CPED1: variants seen among roughly 807,000 people sequenced by gnomAD.
The protein encoded by CPED1 is cadherin like and PC-esterase domain containing 1, also known as cadherin-like and PC-esterase domain-containing protein 1.
In CPED1, 114 loss-of-function variants were observed where a neutral mutation model predicts 128.2. The ratio of observed to expected loss-of-function variants is 0.89; its 90% CI spans 0.76 to 1.04. The LOEUF (loss-of-function observed/expected upper bound fraction) is 1.04, where lower values mean the gene tolerates loss of function less well. CPED1 is among the 50% of genes least tolerant of loss of function. CPED1 has a pLI of 0.00. For missense variants in CPED1, 1,211 were observed against 1,207.1 expected, an observed-to-expected ratio of 1.00 and a Z score of -0.05; for synonymous variants, 462 against 426.7, an observed-to-expected ratio of 1.08 and a Z score of -1.02.
At position 121,272,100 on chromosome 7, in the gene CPED1, G is replaced by T. The variant is rs190830681; in HGVS notation, c.2868+670G>T. Among the ~76,000 whole-genome samples the T allele has an allele frequency of 2.7e-3, 404 of 152,200 alleles. 4 individuals carry two copies. The highest frequency in any genetic ancestry group is 9.4e-3 in the African/African-American group (391 of 41,554). ...AAAAGGTCTCCAATCACCTTCAGGTGTAGGAGTATCACATCAATACTAAAA... is the reference window on the plus strand; with the variant it reads ...AAAAGGTCTCCAATCACCTTCAGGTTTAGGAGTATCACATCAATACTAAAA... On this transcript the variant is annotated intron_variant, in intron 22 of 22. Coordinates refer to ENST00000310396, the MANE Select transcript of CPED1 (RefSeq NM_024913.5).
At chr7:121,077,012 T>C (rs1229630269) in intron 5 of CPED1, among the ~76,000 whole-genome samples, 3 of 152,046 alleles carry the variant, frequency 2.0e-5, no homozygotes, top group African/African-American at 4.8e-5. Context: ...CTGCCCTGTA[T>C]CCTCCTCTTT....
At chr7:121,000,411 T>C (rs1791816981) in intron 2 of CPED1, among the ~76,000 whole-genome samples, 1 of 152,292 alleles carries the variant, frequency 6.6e-6, no homozygotes, top group South Asian at 2.1e-4. Context: ...CGGCCATGTA[T>C]AAGGATCTTA....
intron 5 of CPED1, among the ~76,000 whole-genome samples, chr7:121,083,398 C>G (rs115201314): frequency 6.6e-6 from 1 of 152,112 alleles, no homozygotes; most frequent in African/African-American, 2.4e-5. Flanking sequence ...TGAAGCTGTC[C>G]TTCTGGTCTT....
chr7:121,026,528 T>C (rs757635362), intron 3 of CPED1, among the ~76,000 whole-genome samples: 15 of 152,176 alleles, frequency 9.9e-5, no homozygotes, highest in Non-Finnish European at 1.9e-4. Context: ...ATCCCTGCTA[T>C]AGCCATGGTT....
chr7:121,027,936 A>G (rs1019321800), intron 3 of CPED1, among the ~76,000 whole-genome samples: 2 of 152,030 alleles, frequency 1.3e-5, no homozygotes, highest in African/African-American at 4.8e-5. Context: ...ACAAGCGATT[A>G]AGGGATGAGG....
chr7:121,098,771 TATATATATAAAA>T (rs1226107558), intron 6 of CPED1, among the ~76,000 whole-genome samples: 1,247 of 121,294 alleles, frequency 0.01, 29 homozygotes, highest in Middle Eastern at 0.027. Context: ...TATATAAATA[TATATATATAAAA>T]ATATATAAAA....
Position 121,244,291 on chromosome 7 carries a change from G to T in CPED1, c.2263G>T (p.Gly755Cys). 1 of 1,614,092 alleles carries T rather than the reference G, an allele frequency of 6.2e-7. No homozygotes were observed. The highest frequency in any genetic ancestry group is 2.2e-5 in the East Asian group (1 of 44,872). The change falls in exon 18 of 23, where the codon GGT becomes TGT. Residue 755 changes from glycine to cysteine, a missense_variant. By Grantham distance (159) the Gly-to-Cys change is radical. Coordinates refer to ENST00000310396, the MANE Select transcript of CPED1 (RefSeq NM_024913.5). ...ITWQPHNCQY[G>C]VLTKPQLQQC... Reference sequence around the variant, plus strand: ...CTGGCAGCCCCACAACTGCCAATATGGTGTCCTAACTAAGCCTCAACTCCA... The same window carrying T: ...CTGGCAGCCCCACAACTGCCAATATTGTGTCCTAACTAAGCCTCAACTCCA...
At chr7:121,124,804 TA>T (rs1795466115) in intron 8 of CPED1, among the ~76,000 whole-genome samples, 1 of 152,204 alleles carries the variant, frequency 6.6e-6, no homozygotes, top group Admixed American at 6.6e-5. Flanking sequence ...TAATTTTACT[TA>T]TACATAATAA....
At chr7:121,198,157 CAG>C (rs1286654028) in intron 16 of CPED1, among the ~76,000 whole-genome samples, 1 of 152,008 alleles carries the variant, frequency 6.6e-6, no homozygotes, top group African/African-American at 2.4e-5. Context: ...GTGGTGTCAG[CAG>C]AGTTTATTGT....
chr7:121,266,760 A>G lies in CPED1; in HGVS notation c.2585A>G (p.Gln862Arg). 6.2e-7 allele frequency: 1 copy of G among 1,613,064 alleles called. No homozygotes were observed. The highest frequency in any genetic ancestry group is 1.3e-5 in the African/African-American group (1 of 74,968). The change falls in exon 20 of 23, where the codon CAG becomes CGG. Residue 862 changes from glutamine (Q) to arginine (R), a missense_variant. By Grantham distance (43) the Gln-to-Arg change is conservative. Coordinates refer to ENST00000310396, the MANE Select transcript of CPED1 (RefSeq NM_024913.5). ...GQTVLVVGGV[Q>R]WLNSNHLQII... ...ACTGTATTGGTTGTTGGTGGTGTTCAGTGGCTTAATTCCAATCACCTGCAA... is the reference window on the plus strand; with the variant it reads ...ACTGTATTGGTTGTTGGTGGTGTTCGGTGGCTTAATTCCAATCACCTGCAA...
chr7:121,280,725 T>G (rs1215290558), intron 22 of CPED1, among the ~76,000 whole-genome samples: 1 of 152,148 alleles, frequency 6.6e-6, no homozygotes, highest in Non-Finnish European at 1.5e-5. Flanking sequence ...CTGTCAAAAT[T>G]GCATGATGTC....
chr7:121,086,762 A>G (rs1794435000), intron 5 of CPED1, among the ~76,000 whole-genome samples: 1 of 152,240 alleles, frequency 6.6e-6, no homozygotes, highest in Non-Finnish European at 1.5e-5. Context: ...GAAAACCTGA[A>G]TTGCAAATCA....
chr7:121,066,204 A>G (rs908949215), intron 5 of CPED1, among the ~76,000 whole-genome samples: 7 of 152,128 alleles, frequency 4.6e-5, no homozygotes, highest in African/African-American at 7.2e-5. Flanking sequence ...AAAAGGCAAA[A>G]TGTCCTGTGT....
At chr7:121,169,119 GA>G (rs1451472577) in intron 16 of CPED1, among the ~76,000 whole-genome samples, 1 of 152,150 alleles carries the variant, frequency 6.6e-6, no homozygotes, top group Non-Finnish European at 1.5e-5. Flanking sequence ...TAGGAGTTCA[GA>G]ATGCATGTAT....
chr7:121,268,813 AC>A (rs998685558), intron 21 of CPED1, among the ~76,000 whole-genome samples: 9 of 151,980 alleles, frequency 5.9e-5, no homozygotes, highest in Non-Finnish European at 8.8e-5. Flanking sequence ...CCTCTGGGTA[AC>A]TTCCAGTTAC....
chr7:121,019,628 T>C (rs1181083549), intron 3 of CPED1, among the ~76,000 whole-genome samples: 1 of 152,068 alleles, frequency 6.6e-6, no homozygotes, highest in African/African-American at 2.4e-5. Flanking sequence ...TTTAACTGCA[T>C]AGATATTTAC....
At chr7:121,048,726 A>G (rs1165099871) in intron 4 of CPED1, among the ~76,000 whole-genome samples, 1 of 152,044 alleles carries the variant, frequency 6.6e-6, no homozygotes, top group Admixed American at 6.6e-5. Flanking sequence ...TTTAGTAGAG[A>G]CGGGGTTTTG....
intron 3 of CPED1, among the ~76,000 whole-genome samples, chr7:121,022,250 C>A (rs568559252): frequency 1.3e-5 from 2 of 152,090 alleles, no homozygotes; most frequent in South Asian, 4.2e-4. Context: ...AAACTTAGTT[C>A]ATAAAACTTT....
intron 7 of CPED1, among the ~76,000 whole-genome samples, chr7:121,108,840 G>A (rs1051265600): frequency 6.6e-6 from 1 of 151,982 alleles, no homozygotes; most frequent in South Asian, 2.1e-4. Context: ...GTCACCACAA[G>A]CTCAAAAACA....
Sources: gnomAD v4.1 joint callset for allele counts (sites outside exome capture counted in the v4.1 genomes callset) on GRCh38, gnomAD v4.1.1 for gene constraint, MANE v1.5 for transcripts, NCBI Gene and HGNC (gene_info 2026-07-23, HGNC 2026-07-21) for gene names.